PLGRKT: variants seen among roughly 807,000 people sequenced by gnomAD.
PLGRKT encodes plasminogen receptor (KT).
PLGRKT carries 22 observed loss-of-function variants against 18.5 expected under a neutral mutation model. The ratio of observed to expected loss-of-function variants is 1.19; its 90% CI spans 0.85 to 1.70. The LOEUF is 1.70. Ranked by LOEUF, PLGRKT falls within the 40% of genes most tolerant of loss-of-function variation. PLGRKT has a pLI of 0.00. For missense variants in PLGRKT, 235 were observed against 174.4 expected, an observed-to-expected ratio of 1.35 and a Z score of -1.96; for synonymous variants, 72 against 52.8, an observed-to-expected ratio of 1.36 and a Z score of -1.58.
intron 2 of PLGRKT, among the ~76,000 whole-genome samples, chr9:5,433,535 G>A (rs1202963509): frequency 9.7e-5 from 14 of 143,684 alleles, no homozygotes; most frequent in African/African-American, 3.4e-4. Context: ...TTGCCCGGCC[G>A]CCCCGTCTGG....
chr9:5,381,651 G>A (rs77280505), intron 3 of PLGRKT, among the ~76,000 whole-genome samples: 1,929 of 151,724 alleles, frequency 0.013, 43 homozygotes, highest in African/African-American at 0.045. Context: ...AACTACCTGA[G>A]ACTGTAAATG....
intron 3 of PLGRKT, chr9:5,381,787 C>T: frequency 1.4e-6 from 1 of 699,036 alleles, no homozygotes; most frequent in Non-Finnish European, 1.8e-6. Context: ...GGAAGTTGGT[C>T]TAGAAACATG....
chr9:5,392,532 G>T lies in PLGRKT; in HGVS notation c.82-30644C>A, dbSNP rs1817969687. 6 of 151,912 alleles carry T rather than the reference G, an allele frequency of 3.9e-5. No homozygotes were observed. In the South Asian group the frequency reaches 1.2e-3, roughly 31 times the overall value. The allele number at this position is 151,912 out of a possible 1,614,324, so 9.4% of individuals were successfully genotyped here. A position where few individuals can be genotyped will look rare whatever the true frequency, so the allele number is the denominator to read the frequency against. On this transcript the variant is annotated intron_variant, in intron 3 of 5. Transcript: ENST00000223864. ...TGTCTCATGAATATGTGAAGCAGGA[G>T]GAGATAAGCATTCCAATTCTGTAGT... is the stretch of plus-strand genomic sequence containing the variant.
At chr9:5,379,199 C>T (rs1056850675) in intron 3 of PLGRKT, among the ~76,000 whole-genome samples, 2 of 152,078 alleles carry the variant, frequency 1.3e-5, no homozygotes, top group Non-Finnish European at 2.9e-5. Context: ...AATAGTTATT[C>T]ACAATATTGT....
chr9:5,405,926 A>G (rs1304858090), intron 3 of PLGRKT, among the ~76,000 whole-genome samples: 1 of 152,188 alleles, frequency 6.6e-6, no homozygotes, highest in South Asian at 2.1e-4. Flanking sequence ...AAAACAAACA[A>G]TCCCATCAAA....
intron 5 of PLGRKT, among the ~76,000 whole-genome samples, chr9:5,360,108 T>C (rs1817229761): frequency 6.6e-6 from 1 of 152,220 alleles, no homozygotes. Context: ...AATTGTTTCC[T>C]TCAAGACAAA....
intron 2 of PLGRKT, among the ~76,000 whole-genome samples, chr9:5,435,689 G>C (rs576135340): frequency 6.6e-6 from 1 of 152,362 alleles, no homozygotes; most frequent in Non-Finnish European, 1.5e-5. Flanking sequence ...CCTTGAGTTA[G>C]TTGGTTGCAT....
At chr9:5,363,024 C>G (rs940227953) in intron 3 of PLGRKT, among the ~76,000 whole-genome samples, 3 of 151,940 alleles carry the variant, frequency 2.0e-5, no homozygotes, top group African/African-American at 7.2e-5. Flanking sequence ...TGGAGGAAGT[C>G]TGCAAGGTTC....
In PLGRKT at chr9:5,410,954, G is replaced by A. The variant is rs193139840; in HGVS notation, c.81+20943C>T. Among the ~76,000 whole-genome samples the A allele has an allele frequency of 5.1e-4, 78 of 152,162 alleles. 1 individual carries two copies. Among genetic ancestry groups the A allele is most frequent in the Admixed American group, 5.0e-3 (77 of 15,292 alleles). ...TTGATATAATATTAATTGTTATATG[G>A]CTAAACAAAATGGGTATTTGTATGA... On this transcript the variant is annotated intron_variant, in intron 3 of 5. Coordinates refer to ENST00000223864, the MANE Select transcript of PLGRKT (RefSeq NM_018465.4).
intron 2 of PLGRKT, among the ~76,000 whole-genome samples, chr9:5,434,006 T>C (rs1586750945): frequency 8.3e-6 from 1 of 119,960 alleles, no homozygotes; most frequent in East Asian, 2.7e-4. Flanking sequence ...TGGGAGGAAG[T>C]GAGGAGCGCC....
intron 3 of PLGRKT, among the ~76,000 whole-genome samples, chr9:5,371,544 C>A (rs1817515840): frequency 6.6e-6 from 1 of 152,190 alleles, no homozygotes; most frequent in East Asian, 1.9e-4. Flanking sequence ...CCTTTTGTCT[C>A]CTGCCAGGAT....
chr9:5,393,025 A>C (rs1322648839), intron 3 of PLGRKT, among the ~76,000 whole-genome samples: 4 of 151,478 alleles, frequency 2.6e-5, no homozygotes, highest in Non-Finnish European at 5.9e-5. Context: ...TATTTTTATT[A>C]GAGACAGGAT....
chr9:5,429,282 G>A (rs1188097388), intron 3 of PLGRKT, among the ~76,000 whole-genome samples: 1 of 152,094 alleles, frequency 6.6e-6, no homozygotes, highest in Admixed American at 6.5e-5. Context: ...GAAGCCCAGG[G>A]AGGAAAAGAA....
chr9:5,381,027 G>A (rs1007079249), intron 3 of PLGRKT, among the ~76,000 whole-genome samples: 5 of 152,154 alleles, frequency 3.3e-5, no homozygotes, highest in Non-Finnish European at 7.4e-5. Flanking sequence ...AAAGATGTGC[G>A]TTGTTTCTCC....
chr9:5,395,313 A>G (rs1431571884), intron 3 of PLGRKT, among the ~76,000 whole-genome samples: 2 of 151,942 alleles, frequency 1.3e-5, no homozygotes, highest in African/African-American at 4.9e-5. Flanking sequence ...AAACTATAAA[A>G]TGAATCTTCT....
rs115788710 is a variant in PLGRKT, at chr9:5,396,252, G to A, written c.82-34364C>T. Among the ~76,000 whole-genome samples, 992 of 151,640 alleles carry A rather than the reference G, an allele frequency of 6.5e-3. 33 individuals carry two copies. The highest frequency in any genetic ancestry group is 0.023 in the African/African-American group (944 of 41,134). ...GAAAGACTCTCTCAAGTGGATTTTG[G>A]ACACTAACAAGAACACAACAAAATG... On this transcript the variant is annotated intron_variant, in intron 3 of 5. Coordinates refer to ENST00000223864, the MANE Select transcript of PLGRKT (RefSeq NM_018465.4).
intron 3 of PLGRKT, among the ~76,000 whole-genome samples, chr9:5,369,739 A>G (rs1029369508): frequency 3.3e-5 from 5 of 152,252 alleles, no homozygotes; most frequent in African/African-American, 1.2e-4. Context: ...CATATACACA[A>G]TGGAATACTG....
At chr9:5,370,251 A>G (rs1028987360) in intron 3 of PLGRKT, among the ~76,000 whole-genome samples, 2 of 152,190 alleles carry the variant, frequency 1.3e-5, no homozygotes, top group African/African-American at 2.4e-5. Flanking sequence ...AACAGCCACA[A>G]AATTACTGAC....
At chr9:5,380,985 C>T (rs1205204460) in intron 3 of PLGRKT, among the ~76,000 whole-genome samples, 1 of 152,168 alleles carries the variant, frequency 6.6e-6, no homozygotes, top group African/African-American at 2.4e-5. Flanking sequence ...TGTGGCACTT[C>T]CCCCTTTCTC....
Sources: allele counts gnomAD v4.1 joint callset (sites outside exome capture counted in the v4.1 genomes callset), GRCh38; gene constraint gnomAD v4.1.1; transcripts MANE v1.5; gene names NCBI Gene and HGNC (gene_info 2026-07-23, HGNC 2026-07-21).